Variants in TENM4 observed in about 807,000 individuals in gnomAD.
TENM4 encodes the protein teneurin-4.
In TENM4, 82 loss-of-function variants were observed where a neutral mutation model predicts 243.3. The ratio of observed to expected loss-of-function variants is 0.34; its 90% CI spans 0.28 to 0.40. The LOEUF (loss-of-function observed/expected upper bound fraction) is 0.40. Ranked by LOEUF, TENM4 falls within the 10% of genes least tolerant of loss-of-function variation. The pLI, the probability that TENM4 is intolerant of heterozygous loss-of-function variation, is 1.00. For missense variants in TENM4, 3,138 were observed against 3,673.3 expected, an observed-to-expected ratio of 0.85 and a Z score of 3.77; for synonymous variants, 1,412 against 1,456.3, an observed-to-expected ratio of 0.97 and a Z score of 0.69.
At chr11:79,192,757 A>T (rs983222947) in intron 3 of TENM4, among the ~76,000 whole-genome samples, 8 of 145,318 alleles carry the variant, frequency 5.5e-5, no homozygotes, top group African/African-American at 8.2e-5. Flanking sequence ...AAAAAAAAAT[A>T]AAATTAAAAA....
chr11:79,096,568 C>G (rs576071772), intron 4 of TENM4: 2 of 140,474 alleles, frequency 1.4e-5, no homozygotes, highest in Admixed American at 8.0e-5. Context: ...GGTGTGCCTT[C>G]CCCGGTGGTC....
intron 17 of TENM4, among the ~76,000 whole-genome samples, chr11:78,777,859 C>A (rs1006585568): frequency 1.3e-5 from 2 of 152,144 alleles, no homozygotes; most frequent in Non-Finnish European, 2.9e-5. Flanking sequence ...GCACACATAT[C>A]TGATTATTCT....
At chr11:78,820,112 T>C (rs1045483690) in intron 12 of TENM4, among the ~76,000 whole-genome samples, 2 of 152,246 alleles carry the variant, frequency 1.3e-5, no homozygotes, top group East Asian at 1.9e-4. Context: ...GGAAACTAGA[T>C]AGCATAGCTG....
chr11:79,433,060 A>G (rs1483872800), intron 1 of TENM4, among the ~76,000 whole-genome samples: 4 of 152,202 alleles, frequency 2.6e-5, no homozygotes, highest in African/African-American at 7.2e-5. Flanking sequence ...AATAAAGATT[A>G]TTCCCCAAAT....
In TENM4 at chr11:79,200,580, C is replaced by G. The variant is rs148363085; in HGVS notation, c.-163+15228G>C. Among the ~76,000 whole-genome samples the G allele has an allele frequency of 3.6e-3, 543 of 152,344 alleles. 8 individuals carry two copies. In the South Asian group the frequency reaches 0.04, roughly 11 times the overall value. On this transcript the variant is annotated intron_variant, in intron 3 of 33. Transcript: ENST00000278550. ...ACTCCTCATCACTGTGTGGCCAGGCCTGGTGCCCTTAAGGGACACGGGCAT... is the reference window on the plus strand; with the variant it reads ...ACTCCTCATCACTGTGTGGCCAGGCGTGGTGCCCTTAAGGGACACGGGCAT...
chr11:79,200,213 C>T lies in TENM4; in HGVS notation c.-163+15595G>A, dbSNP rs1406995900. ...GCAGGCCTCTTTCAAAAATAGAACCCCAATCAGTTGTGCTTCCTAGCTGTC... is the reference window on the plus strand; with the variant it reads ...GCAGGCCTCTTTCAAAAATAGAACCTCAATCAGTTGTGCTTCCTAGCTGTC... On this transcript the variant is annotated intron_variant, in intron 3 of 33. Coordinates refer to ENST00000278550, the MANE Select transcript of TENM4 (RefSeq NM_001098816.3). Among the ~76,000 whole-genome samples the T allele has an allele frequency of 2.6e-5, 4 of 152,226 alleles. No homozygotes were observed. In the East Asian group the frequency reaches 7.7e-4, roughly 29 times the overall value.
intron 3 of TENM4, among the ~76,000 whole-genome samples, chr11:79,207,808 G>A (rs1174481892): frequency 7.0e-6 from 1 of 141,972 alleles, no homozygotes; most frequent in Non-Finnish European, 1.5e-5. Flanking sequence ...AGAGGTTGCA[G>A]TGAACAGAGA....
intron 12 of TENM4, among the ~76,000 whole-genome samples, chr11:78,835,202 C>T (rs902180312): frequency 6.6e-6 from 1 of 152,110 alleles, no homozygotes; most frequent in Non-Finnish European, 1.5e-5. Flanking sequence ...CTCTCTTTTC[C>T]CTCAGCTTTA....
At chr11:78,698,423 C>CCAAA (rs929666311) in intron 28 of TENM4, among the ~76,000 whole-genome samples, 1 of 152,008 alleles carries the variant, frequency 6.6e-6, no homozygotes, top group Non-Finnish European at 1.5e-5. Flanking sequence ...AACCAACCAA[C>CCAAA]CAAACAAACA....
At chr11:79,114,221 A>G (rs1861570856) in intron 4 of TENM4, among the ~76,000 whole-genome samples, 1 of 152,204 alleles carries the variant, frequency 6.6e-6, no homozygotes, top group South Asian at 2.1e-4. Flanking sequence ...AAAGCAGGAT[A>G]CAAAGTTGTA....
chr11:79,140,717 T>A (rs901622092), intron 4 of TENM4, among the ~76,000 whole-genome samples: 1 of 151,890 alleles, frequency 6.6e-6, no homozygotes, highest in African/African-American at 2.4e-5. Context: ...GAAGCCTTCG[T>A]TGTCAGATCT....
chr11:78,934,405 CATGAATCAT>C (rs1234447490), intron 6 of TENM4, among the ~76,000 whole-genome samples: 2 of 45,506 alleles, frequency 4.4e-5, no homozygotes, highest in Non-Finnish European at 2.1e-4. Context: ...CTCAGGGAAA[CATGAATCAT>C]GTGGGATCTT....
intron 4 of TENM4, among the ~76,000 whole-genome samples, chr11:79,105,922 C>CA (rs1261319933): frequency 6.6e-6 from 1 of 152,074 alleles, no homozygotes; most frequent in Non-Finnish European, 1.5e-5. Context: ...CTAAGTAAAA[C>CA]AAAATGTTGG....
At chr11:79,092,585 C>T (rs1468611736) in intron 4 of TENM4, among the ~76,000 whole-genome samples, 2 of 152,186 alleles carry the variant, frequency 1.3e-5, no homozygotes, top group Non-Finnish European at 2.9e-5. Flanking sequence ...GCCAGCCAGG[C>T]CTGGAAAGGG....
At chr11:79,399,799 C>A (rs115892513) in intron 1 of TENM4, among the ~76,000 whole-genome samples, 1,864 of 152,206 alleles carry the variant, frequency 0.012, 41 homozygotes, top group African/African-American at 0.041. Context: ...GATATTCAAA[C>A]CCTCTGAGTT....
intron 16 of TENM4, 66 bp downstream of exon 16, chr11:78,786,832 A>G: frequency 6.4e-7 from 1 of 1,551,302 alleles, no homozygotes; most frequent in African/African-American, 1.4e-5. Flanking sequence ...TGGCCCTGAA[A>G]TGCCCCAACA....
intron 2 of TENM4, among the ~76,000 whole-genome samples, chr11:79,228,101 A>G (rs2135254167): frequency 6.6e-6 from 1 of 152,340 alleles, no homozygotes; most frequent in Non-Finnish European, 1.5e-5. Context: ...AAAAGTATCT[A>G]TAAACAGACC....
At chr11:79,168,255 A>G (rs1216595965) in intron 3 of TENM4, among the ~76,000 whole-genome samples, 1 of 151,912 alleles carries the variant, frequency 6.6e-6, no homozygotes, top group Non-Finnish European at 1.5e-5. Context: ...GCTGGGGTAC[A>G]GAAACAAATC....
At chr11:79,312,041 C>T (rs1856730779) in intron 1 of TENM4, among the ~76,000 whole-genome samples, 2 of 152,176 alleles carry the variant, frequency 1.3e-5, no homozygotes, top group African/African-American at 4.8e-5. Context: ...CCTCACCCTG[C>T]TATCTTCATG....
Sources: gnomAD v4.1 joint callset for allele counts (sites outside exome capture counted in the v4.1 genomes callset) on GRCh38, gnomAD v4.1.1 for gene constraint, MANE v1.5 for transcripts, NCBI Gene and HGNC (gene_info 2026-07-23, HGNC 2026-07-21) for gene names.